SLTM: variants seen among roughly 807,000 people sequenced by gnomAD.
The protein encoded by SLTM is SAFB-like transcription modulator.
Under a neutral mutation model 134.6 loss-of-function variants are expected in SLTM, and 43 were observed. That is an observed-to-expected ratio of 0.32 (90% CI 0.25 to 0.41). The LOEUF is 0.41. SLTM is among the 10% of genes least tolerant of loss of function. The pLI, the probability that SLTM is intolerant of heterozygous loss-of-function variation, is 1.00. For synonymous variants in SLTM, 424 were observed against 432.3 expected (o/e 0.98, Z 0.24); for missense variants, 1,055 against 1,288.8 (o/e 0.82, Z 2.78).
At chr15:58,896,776 A>C (rs1228184233) in intron 9 of SLTM, among the ~76,000 whole-genome samples, 2 of 152,164 alleles carry the variant, frequency 1.3e-5, no homozygotes, top group Non-Finnish European at 2.9e-5. Context: ...CTAAATATAA[A>C]TGTATTTTCA....
At position 58,883,457 on chromosome 15, in the gene SLTM, G is replaced by A. The variant is rs1262650298; in HGVS notation, c.2996+169C>T. 8.9e-6 allele frequency: 7 copies of A among 790,518 alleles called. No homozygotes were observed. In the African/African-American group the frequency reaches 1.0e-4, roughly 12 times the overall value. 49.0% of individuals were successfully genotyped at this position (790,518 alleles called of 1,614,324 possible). On this transcript the variant is annotated intron_variant, in intron 20 of 20. Coordinates refer to ENST00000380516, the MANE Select transcript of SLTM (RefSeq NM_024755.4). ...AATACAAACTAACACATTAATATCA[G>A]CTGTTCTGCAAACACTCTTTTGGAG...
chr15:58,883,474 C>G, intron 20 of SLTM, 152 bp downstream of exon 20: 1 of 963,488 alleles, frequency 1.0e-6, no homozygotes. Flanking sequence ...TGCAAACACT[C>G]TTTTGGAGAC....
At chr15:58,916,285 T>G (rs1442074232) in intron 3 of SLTM, among the ~76,000 whole-genome samples, 3 of 151,766 alleles carry the variant, frequency 2.0e-5, no homozygotes, top group African/African-American at 7.3e-5. Context: ...GCGATTCTCC[T>G]GCCTCAGCCT....
intron 19 of SLTM, among the ~76,000 whole-genome samples, chr15:58,885,275 CAGGAAAGAA>C (rs1416089568): frequency 2.0e-5 from 3 of 152,008 alleles, no homozygotes; most frequent in African/African-American, 7.3e-5. Context: ...ACTTAGCTTA[CAGGAAAGAA>C]AGCAGAAGGT....
chr15:58,884,911 A>G (rs1158494236), intron 19 of SLTM, among the ~76,000 whole-genome samples: 2 of 152,234 alleles, frequency 1.3e-5, no homozygotes, highest in Admixed American at 1.3e-4. Context: ...CTAGGTTTAC[A>G]GCCACGAGCC....
At chr15:58,894,368 C>T in intron 10 of SLTM, 65 bp downstream of exon 10, 1 of 1,570,824 alleles carries the variant, frequency 6.4e-7, no homozygotes, top group Non-Finnish European at 8.7e-7. Context: ...CTACTGTTAA[C>T]AGCTATGAGT....
chr15:58,887,860 A>T (rs565316560), intron 17 of SLTM, among the ~76,000 whole-genome samples: 1 of 152,280 alleles, frequency 6.6e-6, no homozygotes, highest in East Asian at 1.9e-4. Flanking sequence ...AGTTTTAAAG[A>T]TAAGAAGAGG....
At chr15:58,904,773 C>T (rs1328073504) in intron 5 of SLTM, among the ~76,000 whole-genome samples, 3 of 151,866 alleles carry the variant, frequency 2.0e-5, no homozygotes, top group Admixed American at 1.3e-4. Context: ...TGCAGTGGTG[C>T]GATCTCGGCT....
At chr15:58,908,983 A>T (rs1397525315) in intron 5 of SLTM, among the ~76,000 whole-genome samples, 1 of 152,248 alleles carries the variant, frequency 6.6e-6, no homozygotes, top group African/African-American at 2.4e-5. Flanking sequence ...ATAAGCAAAA[A>T]CAAAGAAAAC....
chr15:58,923,907 C>T (rs925372215), intron 2 of SLTM, among the ~76,000 whole-genome samples: 3 of 148,132 alleles, frequency 2.0e-5, no homozygotes, highest in East Asian at 4.0e-4. Context: ...CTCTGCCTTC[C>T]GAGTTCAAGC....
chr15:58,920,880 G>A (rs894417868), intron 2 of SLTM, among the ~76,000 whole-genome samples: 11 of 152,158 alleles, frequency 7.2e-5, no homozygotes, highest in Admixed American at 1.3e-4. Context: ...CTTTGAACCC[G>A]GGAGGTGAAG....
intron 5 of SLTM, among the ~76,000 whole-genome samples, chr15:58,908,562 T>A (rs1014586038): frequency 4.6e-5 from 7 of 151,560 alleles, no homozygotes; most frequent in Non-Finnish European, 1.0e-4. Context: ...AGAGACAGGG[T>A]CTTACTATGT....
At position 58,912,544 on chromosome 15, in the gene SLTM, G is replaced by A; in HGVS notation, c.561+19C>T. 12 of 1,607,026 alleles carry A rather than the reference G, an allele frequency of 7.5e-6. No individual in the cohort carries two copies. Among genetic ancestry groups the A allele is most frequent in the East Asian group, 2.2e-5 (1 of 44,782 alleles). ...GTCCACCCACAATATCGAATTCATA[G>A]GACTAAATGTAAACTTACTTGGGCT... On this transcript the variant is annotated intron_variant, in intron 5 of 20. Transcript: ENST00000380516.
chr15:58,901,233 A>G lies in SLTM; in HGVS notation c.589+27T>C, dbSNP rs772716989. On this transcript the variant is annotated intron_variant, in intron 6 of 20. Transcript: ENST00000380516. ...TTTACTGTTTTTCTAAATTTTAGCA[A>G]TTTTTAAGCTCTAGCATCAAACATA... The G allele has an allele frequency of 7.6e-6, 12 of 1,578,800 alleles. No individual in the cohort carries two copies. In the Admixed American group the frequency reaches 9.5e-5, roughly 12 times the overall value.
intron 13 of SLTM, 105 bp downstream of exon 13, chr15:58,893,174 G>C (rs932836965): frequency 1.2e-5 from 17 of 1,398,730 alleles, no homozygotes; most frequent in Non-Finnish European, 1.7e-5. Flanking sequence ...CCTTTTTCTT[G>C]GGTTTGCTAG....
rs1456047239 is a variant in SLTM at position 58,899,596 on chromosome 15, A to G, written c.931T>C (p.Cys311Arg). Reference sequence around the variant, plus strand: ...TTCTCGACAGGGTCACCCTTCACGCAGTCTTCCTTCTTACCATCTTTATGG... The same window carrying G: ...TTCTCGACAGGGTCACCCTTCACGCGGTCTTCCTTCTTACCATCTTTATGG... ...ANHKDGKKED[C>R]VKGDPVEKEA... Residue 311 changes from cysteine to arginine, a missense_variant, in exon 7 of 21, where the codon TGC (cysteine) becomes CGC (arginine). Coordinates refer to ENST00000380516, the MANE Select transcript of SLTM (RefSeq NM_024755.4). This position sits in a 1 kb window ranked among gnomAD's most constrained non-coding sequence, Gnocchi z 5.0. The G allele has an allele frequency of 6.2e-7, 1 of 1,614,188 alleles. No homozygotes were observed. The highest frequency in any genetic ancestry group is 8.5e-7 in the Non-Finnish European group (1 of 1,180,010).
rs757600341 is a variant in SLTM at position 58,883,387 on chromosome 15, C to CTA, written c.2996+237_2996+238dup. ...TCCTGCCATACGTACATACCCATAT[C>CTA]TATATCAACTTGCCAGAACGTCACT... On this transcript the variant is annotated intron_variant, in intron 20 of 20. Coordinates refer to ENST00000380516, the MANE Select transcript of SLTM (RefSeq NM_024755.4). 6.1e-4 allele frequency: 313 copies of CTA among 516,136 alleles called. 2 individuals are homozygous for CTA. The highest frequency in any genetic ancestry group is 1.0e-3 in the Middle Eastern group (2 of 1,908). The allele number at this position is 516,136 out of a possible 1,614,324, so 32.0% of individuals were successfully genotyped here.
chr15:58,933,472 A>C lies in SLTM; in HGVS notation c.94T>G (p.Ser32Ala). ...TCTAAGTTCCGCCGCTTCAGCTCGG[A>C]CTTCAGATCGATGACCCGCAGATCG... is the stretch of plus-strand genomic sequence containing the variant. ...ITDLRVIDLK[S>A]ELKRRNLDIT... is the part of the protein sequence containing the mutation. Residue 32 changes from serine (S) to alanine (A), a missense_variant, in exon 1 of 21, where the codon TCC (serine) becomes GCC (alanine). Physicochemically the swap from Ser to Ala is moderately conservative, Grantham distance 99. Transcript: ENST00000380516. The C allele has an allele frequency of 6.3e-7, 1 of 1,598,200 alleles. No homozygotes were observed. Among genetic ancestry groups the C allele is most frequent in the South Asian group, 1.1e-5 (1 of 89,252 alleles).
Position 58,912,626 on chromosome 15 carries a change from T to G in SLTM, c.514-16A>C, listed in dbSNP as rs772123268. ...CTTCAATTTCCTAAGTAAAAGGGTA[T>G]ACAATAGCTTTGCTTTATAAAATAT... On this transcript the variant is annotated splice_polypyrimidine_tract_variant and intron_variant, in intron 4 of 20. Coordinates refer to ENST00000380516, the MANE Select transcript of SLTM (RefSeq NM_024755.4). 3 of 1,588,512 alleles carry G rather than the reference T, an allele frequency of 1.9e-6. No homozygotes were observed. In the Admixed American group the frequency reaches 5.2e-5, roughly 28 times the overall value.
Sources: gnomAD v4.1 joint callset for allele counts (sites outside exome capture counted in the v4.1 genomes callset) on GRCh38, gnomAD v4.1.1 for gene constraint, Gnocchi (gnomAD v3.1) non-coding constraint, MANE v1.5 for transcripts, NCBI Gene and HGNC (gene_info 2026-07-23, HGNC 2026-07-21) for gene names.